Variants in SLC17A8 observed in about 807,000 individuals in gnomAD.
SLC17A8 encodes solute carrier family 17 member 8.
Under a neutral mutation model 58.0 loss-of-function variants are expected in SLC17A8, and 31 were observed. That is an observed-to-expected ratio of 0.53 (90% CI 0.40 to 0.72). The LOEUF (loss-of-function observed/expected upper bound fraction) is 0.72. SLC17A8 is among the 30% of genes least tolerant of loss of function. The pLI is 0.00. For synonymous variants in SLC17A8, 228 were observed against 249.0 expected, an observed-to-expected ratio of 0.92 and a Z score of 0.79; for missense variants, 655 against 727.8, an observed-to-expected ratio of 0.90 and a Z score of 1.15.
rs941107579 is a variant in SLC17A8, at chr12:100,357,233, T to A, written c.-159T>A. 4 of 673,780 alleles carry A rather than the reference T, an allele frequency of 5.9e-6. No homozygotes were observed. In the Admixed American group the frequency reaches 8.6e-5, roughly 15 times the overall value. 41.7% of individuals were successfully genotyped at this position (673,780 alleles called of 1,614,324 possible). ...TTGTCTTATCTTGGAAGATCCGAGC[T>A]GGGTTTCATCTCCTTTTTGATTTTG... is the stretch of plus-strand genomic sequence containing the variant. On this transcript the variant is annotated 5_prime_UTR_variant, in exon 1 of 12. Transcript: ENST00000323346.
At chr12:100,406,461 G>A (rs933370484) in intron 9 of SLC17A8, among the ~76,000 whole-genome samples, 4 of 152,132 alleles carry the variant, frequency 2.6e-5, no homozygotes, top group African/African-American at 4.8e-5. Flanking sequence ...AGGCCTTGTC[G>A]GCGTATGCAG....
At chr12:100,395,915 G>A (rs1351654677) in intron 4 of SLC17A8, among the ~76,000 whole-genome samples, 1 of 152,182 alleles carries the variant, frequency 6.6e-6, no homozygotes, top group East Asian at 1.9e-4. Context: ...TCCTGGCCTA[G>A]AAATGTATTT....
At chr12:100,360,055 C>A (rs1952474734) in intron 1 of SLC17A8, among the ~76,000 whole-genome samples, 1 of 152,140 alleles carries the variant, frequency 6.6e-6, no homozygotes, top group South Asian at 2.1e-4. Context: ...GTGGCAATTG[C>A]ACAGGGAAGC....
intron 4 of SLC17A8, among the ~76,000 whole-genome samples, chr12:100,394,651 C>T (rs1211396531): frequency 1.3e-5 from 2 of 150,404 alleles, no homozygotes; most frequent in Admixed American, 1.3e-4. Context: ...GATCCGCCCA[C>T]CTCAGCCTCC....
At chr12:100,410,042 G>A (rs887404983) in intron 9 of SLC17A8, among the ~76,000 whole-genome samples, 6 of 152,208 alleles carry the variant, frequency 3.9e-5, no homozygotes, top group African/African-American at 1.4e-4. Flanking sequence ...CATCAGAGGA[G>A]GACGAGTTGG....
chr12:100,377,703 C>G (rs1380309995), intron 1 of SLC17A8, among the ~76,000 whole-genome samples: 1 of 150,804 alleles, frequency 6.6e-6, no homozygotes, highest in South Asian at 2.1e-4. Context: ...ATTCTCCTGC[C>G]TCAGTCTCCC....
intron 1 of SLC17A8, among the ~76,000 whole-genome samples, chr12:100,364,041 C>G (rs1029321620): frequency 1.7e-4 from 20 of 118,104 alleles, no homozygotes; most frequent in Non-Finnish European, 2.7e-4. Flanking sequence ...GAACAAGATT[C>G]CATCTCAAAA....
chr12:100,394,244 G>A (rs754393535), intron 4 of SLC17A8, among the ~76,000 whole-genome samples: 2 of 151,964 alleles, frequency 1.3e-5, no homozygotes, highest in East Asian at 1.9e-4. Context: ...TCTGACCTTC[G>A]CCAGTTTGTT....
intron 2 of SLC17A8, among the ~76,000 whole-genome samples, chr12:100,383,498 T>C (rs1003963216): frequency 1.3e-5 from 2 of 152,342 alleles, no homozygotes; most frequent in Non-Finnish European, 2.9e-5. Context: ...ACAAATACTT[T>C]GCTAATTGTA....
chr12:100,357,293 T>A lies in SLC17A8; in HGVS notation c.-99T>A, dbSNP rs1952453011. 1 of 795,464 alleles carries A rather than the reference T, an allele frequency of 1.3e-6. No homozygotes were observed. Among genetic ancestry groups the A allele is most frequent in the East Asian group, 2.5e-5 (1 of 40,796 alleles). 49.3% of individuals were successfully genotyped at this position (795,464 alleles called of 1,614,324 possible). ...CTCCACGAGAACTGACTTCCAGGTG[T>A]TCACCAAGGGAAACAAGGTGGTTCT... On this transcript the variant is annotated 5_prime_UTR_variant, in exon 1 of 12. Coordinates refer to ENST00000323346, the MANE Select transcript of SLC17A8 (RefSeq NM_139319.3).
At chr12:100,401,983 T>C (rs1161199059) in intron 6 of SLC17A8, 120 bp downstream of exon 6, 1 of 816,364 alleles carries the variant, frequency 1.2e-6, no homozygotes, top group Non-Finnish European at 2.1e-6. Flanking sequence ...GTTTATTGTA[T>C]AAATGGAATA....
intron 8 of SLC17A8, among the ~76,000 whole-genome samples, chr12:100,403,711 T>C (rs1261806732): frequency 6.6e-6 from 1 of 152,112 alleles, no homozygotes; most frequent in Non-Finnish European, 1.5e-5. Context: ...GGCATAATCA[T>C]GAAATGGTGG....
At chr12:100,374,942 T>TC (rs950377737) in intron 1 of SLC17A8, among the ~76,000 whole-genome samples, 8 of 151,984 alleles carry the variant, frequency 5.3e-5, no homozygotes, top group Admixed American at 4.6e-4. Context: ...GTCCTGCTTC[T>TC]TGTGGAGCCC....
At chr12:100,386,928 A>G (rs928472767) in intron 2 of SLC17A8, among the ~76,000 whole-genome samples, 4 of 152,142 alleles carry the variant, frequency 2.6e-5, no homozygotes, top group Non-Finnish European at 4.4e-5. Flanking sequence ...ACCTCAAGTG[A>G]TCTACCCGCC....
At chr12:100,371,297 C>T (rs1043939854) in intron 1 of SLC17A8, among the ~76,000 whole-genome samples, 7 of 152,164 alleles carry the variant, frequency 4.6e-5, no homozygotes, top group African/African-American at 1.4e-4. Context: ...GGCCACATAC[C>T]TAATAAATAC....
chr12:100,371,803 C>G (rs539927458), intron 1 of SLC17A8, among the ~76,000 whole-genome samples: 7 of 152,208 alleles, frequency 4.6e-5, no homozygotes, highest in African/African-American at 4.8e-5. Flanking sequence ...CCTGCCTTGG[C>G]CTTCCAAATT....
chr12:100,361,805 C>CA (rs1952486699), intron 1 of SLC17A8, among the ~76,000 whole-genome samples: 1 of 151,734 alleles, frequency 6.6e-6, no homozygotes, highest in East Asian at 1.9e-4. Context: ...TACTAAAAGA[C>CA]AAAAAATGAG....
intron 3 of SLC17A8, among the ~76,000 whole-genome samples, chr12:100,393,020 A>G (rs113181957): frequency 0.023 from 3,563 of 152,306 alleles, 41 homozygotes; most frequent in Non-Finnish European, 0.028. Flanking sequence ...TAGTTGGTCC[A>G]GGGGCCAGAG....
At chr12:100,372,509 C>G (rs77641086) in intron 1 of SLC17A8, among the ~76,000 whole-genome samples, 1 of 152,004 alleles carries the variant, frequency 6.6e-6, no homozygotes, top group Admixed American at 6.5e-5. Flanking sequence ...GCCACCACAC[C>G]TGGCTCAAAT....
Sources: gnomAD v4.1 joint callset for allele counts (sites outside exome capture counted in the v4.1 genomes callset) on GRCh38, gnomAD v4.1.1 for gene constraint, MANE v1.5 for transcripts, NCBI Gene and HGNC (gene_info 2026-07-23, HGNC 2026-07-21) for gene names.